Variants in MAT2B observed in about 807,000 individuals in gnomAD.
MAT2B encodes the protein methionine adenosyltransferase 2 subunit beta.
MAT2B carries 16 observed loss-of-function variants against 36.1 expected under a neutral mutation model. That is an observed-to-expected ratio of 0.44 (90% CI 0.30 to 0.67). MAT2B has a LOEUF of 0.67. Among genes scored for constraint, MAT2B ranks in the 30% least tolerant of loss-of-function variants. The pLI is 0.09. For synonymous variants in MAT2B, 148 were observed against 136.9 expected (o/e 1.08, Z -0.57); for missense variants, 332 against 398.2 (o/e 0.83, Z 1.42).
At chr5:163,516,857 A>G in intron 5 of MAT2B, 146 bp downstream of exon 5, 1 of 683,498 alleles carries the variant, frequency 1.5e-6, no homozygotes, top group Non-Finnish European at 2.6e-6. Flanking sequence ...AGTAGTTTAC[A>G]TATACACTGT....
Position 163,518,658 on chromosome 5 carries a change from T to C in MAT2B, c.*295T>C, listed in dbSNP as rs1760172124. ...GAGTCAGGATGAAGCAGATCTGCTG[T>C]AGACTTTTCAGATGAAATTGTTCAT... On this transcript the variant is annotated 3_prime_UTR_variant, in exon 7 of 7. Transcript: ENST00000321757. The C allele has an allele frequency of 9.9e-6, 2 of 201,380 alleles. No individual in the cohort carries two copies. The highest frequency in any genetic ancestry group is 4.6e-5 in the African/African-American group (2 of 43,372). 12.5% of individuals were successfully genotyped at this position (201,380 alleles called of 1,614,324 possible).
intron 4 of MAT2B, among the ~76,000 whole-genome samples, chr5:163,514,340 T>A (rs898886146): frequency 1.3e-5 from 2 of 152,234 alleles, no homozygotes; most frequent in African/African-American, 4.8e-5. Context: ...TACTGTGTTA[T>A]ATGTGTATGT....
At chr5:163,508,922 G>T (rs74745396) in intron 1 of MAT2B, among the ~76,000 whole-genome samples, 1 of 152,124 alleles carries the variant, frequency 6.6e-6, no homozygotes. Flanking sequence ...GTTATAGGCC[G>T]GGCGTACTGG....
intron 1 of MAT2B, among the ~76,000 whole-genome samples, chr5:163,510,398 T>C (rs1389368411): frequency 6.7e-6 from 1 of 148,970 alleles, no homozygotes; most frequent in East Asian, 1.9e-4. Flanking sequence ...TTTTAGCTTT[T>C]TTTTTTTTTT....
At chr5:163,506,495 C>T (rs997884369) in intron 1 of MAT2B, among the ~76,000 whole-genome samples, 4 of 152,160 alleles carry the variant, frequency 2.6e-5, no homozygotes, top group African/African-American at 4.8e-5. Flanking sequence ...CAGCATTAAT[C>T]TGTCCACAGA....
chr5:163,511,811 C>G (rs975431538), intron 1 of MAT2B, among the ~76,000 whole-genome samples, 191 bp from the exon 2 acceptor site: 2 of 152,066 alleles, frequency 1.3e-5, no homozygotes, highest in African/African-American at 4.8e-5. Context: ...CCTCGCATTC[C>G]CAAAGTGTTG....
intron 2 of MAT2B, chr5:163,512,562 A>T: frequency 2.6e-6 from 1 of 385,968 alleles, no homozygotes; most frequent in South Asian, 2.1e-5. Context: ...TATCATTGAT[A>T]CTATTCTCCC....
chr5:163,513,940 T>A lies in MAT2B; in HGVS notation c.472T>A (p.Leu158Met). The part of the protein sequence containing the change: ...REEDIPAPLN[L>M]YGKTKLDGEK... ...GGAAGACATACCAGCTCCCCTAAATTTGTATGGCAAAACAAAATTAGATGG... is the reference window on the plus strand; with the variant it reads ...GGAAGACATACCAGCTCCCCTAAATATGTATGGCAAAACAAAATTAGATGG... The change falls in exon 4 of 7, where the codon TTG (leucine) becomes ATG (methionine). Residue 158 changes from leucine to methionine, a missense_variant. Transcript: ENST00000321757. The A allele has an allele frequency of 6.2e-7, 1 of 1,613,638 alleles. No individual in the cohort carries two copies. The highest frequency in any genetic ancestry group is 8.5e-7 in the Non-Finnish European group (1 of 1,179,762).
Position 163,518,256 on chromosome 5 carries a change from T to G in MAT2B, c.898T>G (p.Leu300Val). 2.5e-6 allele frequency: 4 copies of G among 1,613,980 alleles called. No individual in the cohort carries two copies. The highest frequency in any genetic ancestry group is 3.4e-6 in the Non-Finnish European group (4 of 1,179,916). The part of the protein sequence containing the change: ...PRNAQLDCSK[L>V]ETLGIGQRTP... ...AAATGCTCAGCTTGACTGCTCCAAA[T>G]TGGAGACCTTGGGCATTGGCCAACG... is the stretch of plus-strand genomic sequence containing the variant. The change falls in exon 7 of 7, where the codon TTG (leucine) becomes GTG (valine). Residue 300 changes from leucine to valine, a missense_variant. Transcript: ENST00000321757.
chr5:163,504,822 T>C (rs906028268), upstream of MAT2B, among the ~76,000 whole-genome samples: 1 of 152,212 alleles, frequency 6.6e-6, no homozygotes, highest in Admixed American at 6.5e-5. Flanking sequence ...GCTTAAATTC[T>C]CGGTGCTCAC....
intron 1 of MAT2B, among the ~76,000 whole-genome samples, chr5:163,508,992 C>T (rs114961124): frequency 6.6e-6 from 1 of 152,094 alleles, no homozygotes; most frequent in Non-Finnish European, 1.5e-5. Flanking sequence ...TCATACAACT[C>T]CACTTCCTTT....
intron 1 of MAT2B, among the ~76,000 whole-genome samples, chr5:163,508,711 G>A (rs1292545927): frequency 6.6e-6 from 1 of 151,690 alleles, no homozygotes; most frequent in Non-Finnish European, 1.5e-5. Context: ...TCCGCCTCCT[G>A]GGTTCGAGCG....
At chr5:163,508,921 C>T (rs773797956) in intron 1 of MAT2B, among the ~76,000 whole-genome samples, 3 of 152,080 alleles carry the variant, frequency 2.0e-5, no homozygotes, top group Admixed American at 6.5e-5. Context: ...TGTTATAGGC[C>T]GGGCGTACTG....
At chr5:163,518,164 G>A in intron 6 of MAT2B, 29 bp from the exon 7 acceptor site, 1 of 1,545,802 alleles carries the variant, frequency 6.5e-7, no homozygotes, top group Non-Finnish European at 8.7e-7. Context: ...ACTTACTTTT[G>A]ATTTTTTTGT....
At chr5:163,506,755 G>A (rs1331850306) in intron 1 of MAT2B, among the ~76,000 whole-genome samples, 1 of 152,196 alleles carries the variant, frequency 6.6e-6, no homozygotes, top group African/African-American at 2.4e-5. Context: ...TTATATGTAT[G>A]CATTTGTATG....
Position 163,507,473 on chromosome 5 carries a change from TAA to T in MAT2B, c.63+1725_63+1726del, listed in dbSNP as rs543485314. Among the ~76,000 whole-genome samples the T allele has an allele frequency of 2.1e-3, 323 of 152,326 alleles. 1 individual carries two copies. Among genetic ancestry groups the T allele is most frequent in the African/African-American group, 7.2e-3 (299 of 41,576 alleles). On this transcript the variant is annotated intron_variant, in intron 1 of 6. Coordinates refer to ENST00000321757, the MANE Select transcript of MAT2B (RefSeq NM_013283.5). ...ATTCCGTACTTCAGAGTTTAGACAA[TAA>T]GAGGCAGATACGTTTAGAGTAACTT...
Position 163,517,545 on chromosome 5 carries a change from G to T in MAT2B, c.721-16G>T. ...AAAAGTTGAAACTATTGAATTTATT[G>T]TGTCATCGTTCTTAGGATCCATCAA... is the stretch of plus-strand genomic sequence containing the variant. On this transcript the variant is annotated splice_polypyrimidine_tract_variant and intron_variant, in intron 5 of 6. Coordinates refer to ENST00000321757, the MANE Select transcript of MAT2B (RefSeq NM_013283.5). 7.0e-7 allele frequency: 1 copy of T among 1,435,394 alleles called. No homozygotes were observed. 88.9% of individuals were successfully genotyped at this position (1,435,394 alleles called of 1,614,324 possible).
Position 163,513,993 on chromosome 5 carries a change from A to G in MAT2B, c.525A>G (p.Leu175=), listed in dbSNP as rs11546512. The change falls in exon 4 of 7, where the codon CTA becomes CTG. Residue 175 remains leucine (L), a splice_region_variant and synonymous_variant. Transcript: ENST00000321757. The part of the protein sequence containing the change: ...DGEKAVLENN[L]GAAVLRIPIL... ...AAAAGGCTGTCCTGGAGAACAATCT[A>G]GGTAAGACCTAATCTATTTAGCCCC... 223,658 of 1,610,620 alleles carry G rather than the reference A, an allele frequency of 0.14. 16,808 individuals carry two copies. The highest frequency in any genetic ancestry group is 0.15 in the Non-Finnish European group (175,770 of 1,178,372).
At chr5:163,517,839 A>G in intron 6 of MAT2B, 165 bp downstream of exon 6, 1 of 527,372 alleles carries the variant, frequency 1.9e-6, no homozygotes, top group Non-Finnish European at 3.4e-6. Flanking sequence ...GAAGATCATG[A>G]GTATTGAAGT....
Sources: gnomAD v4.1 joint callset for allele counts (sites outside exome capture counted in the v4.1 genomes callset) on GRCh38, gnomAD v4.1.1 for gene constraint, MANE v1.5 for transcripts, NCBI Gene and HGNC (gene_info 2026-07-23, HGNC 2026-07-21) for gene names.